Variants in GLB1L3 observed in about 807,000 individuals in gnomAD.
GLB1L3 encodes the protein galactosidase beta 1 like 3.
GLB1L3 carries 89 observed loss-of-function variants against 89.5 expected under a neutral mutation model. The ratio of observed to expected loss-of-function variants is 0.99; its 90% confidence interval spans 0.84 to 1.19. GLB1L3 has a LOEUF of 1.19. Among genes scored for constraint, GLB1L3 ranks in the 50% most tolerant of loss-of-function variants. GLB1L3 has a pLI of 0.00. For missense variants in GLB1L3, 812 were observed against 813.3 expected, an observed-to-expected ratio of 1.00 and a Z score of 0.02; for synonymous variants, 314 against 312.3, an observed-to-expected ratio of 1.01 and a Z score of -0.06.
chr11:134,289,362 C>T (rs1300613752), intron 7 of GLB1L3, among the ~76,000 whole-genome samples: 1 of 151,726 alleles, frequency 6.6e-6, no homozygotes, highest in Non-Finnish European at 1.5e-5. Flanking sequence ...GTTTTGCTGA[C>T]TCAGGGGTGG....
Position 134,308,122 on chromosome 11 carries a change from T to C in GLB1L3, c.961+914T>C, listed in dbSNP as rs199732359. Among the ~76,000 whole-genome samples the C allele has an allele frequency of 6.6e-4, 56 of 85,142 alleles. 1 individual carries two copies. The highest frequency in any genetic ancestry group is 0.014 in the Middle Eastern group (2 of 146). 55.9% of individuals were successfully genotyped at this position (85,142 alleles called of 152,430 possible). ...AATGCCAGCAACAATACCACCACCATCATCACATCACCACCACAATCACCA... is the reference window on the plus strand; with the variant it reads ...AATGCCAGCAACAATACCACCACCACCATCACATCACCACCACAATCACCA... On this transcript the variant is annotated intron_variant, in intron 10 of 19. Transcript: ENST00000431683.
In GLB1L3 at chr11:134,276,539, G is replaced by A; in HGVS notation, c.-202G>A. On this transcript the variant is annotated 5_prime_UTR_variant, in exon 1 of 20. Transcript: ENST00000431683. ...CGGCGGAGCTCGGCTGTCCCCGCGGGAGGGAGCCCGACGCGCATCCTTGGG... is the reference window on the plus strand; with the variant it reads ...CGGCGGAGCTCGGCTGTCCCCGCGGAAGGGAGCCCGACGCGCATCCTTGGG... 1 of 412,904 alleles carries A rather than the reference G, an allele frequency of 2.4e-6. No homozygotes were observed. Among genetic ancestry groups the A allele is most frequent in the East Asian group, 3.8e-5 (1 of 26,042 alleles). 25.6% of individuals were successfully genotyped at this position (412,904 alleles called of 1,614,324 possible). A position where few individuals can be genotyped will look rare whatever the true frequency, so the allele number is the denominator to read the frequency against.
chr11:134,276,887 A>C (rs1940394525), intron 1 of GLB1L3, 124 bp downstream of exon 1: 1 of 868,596 alleles, frequency 1.2e-6, no homozygotes, highest in Non-Finnish European at 1.5e-6. Context: ...GGGCCGCGCC[A>C]CCAAGCCCGC....
intron 3 of GLB1L3, among the ~76,000 whole-genome samples, chr11:134,280,902 C>A (rs921939644): frequency 2.0e-5 from 3 of 152,156 alleles, no homozygotes; most frequent in African/African-American, 7.2e-5. Context: ...TTACTCATAG[C>A]CCTATGGGGG....
chr11:134,291,061 G>A lies in GLB1L3; in HGVS notation c.730-1071G>A, dbSNP rs1437461650. Among the ~76,000 whole-genome samples, 7 of 152,022 alleles carry A rather than the reference G, an allele frequency of 4.6e-5. No homozygotes were observed. The South Asian group carries it at 1.2e-3, about 27-fold the overall frequency. On this transcript the variant is annotated intron_variant, in intron 7 of 19. Coordinates refer to ENST00000431683, the MANE Select transcript of GLB1L3 (RefSeq NM_001080407.3). ...CCCCCAATTTACTAAGTTGCAGAAGGTCAGACTCTGAATTCAAACCCGTGT... is the reference window on the plus strand; with the variant it reads ...CCCCCAATTTACTAAGTTGCAGAAGATCAGACTCTGAATTCAAACCCGTGT...
chr11:134,288,980 G>A, intron 7 of GLB1L3, 90 bp downstream of exon 7: 1 of 856,762 alleles, frequency 1.2e-6, no homozygotes, highest in Non-Finnish European at 1.8e-6. Flanking sequence ...GATCGGGCTG[G>A]ACACTGTGCA....
rs1199484161 is a variant in GLB1L3, at chr11:134,312,779, T to G, written c.1429-37T>G. ...GGCCTCTCTTCTCCCTTTCTTCGGG[T>G]GGGCCTAGCAGTCTGACGCCGGCTC... On this transcript the variant is annotated intron_variant, in intron 14 of 19. Transcript: ENST00000431683. The G allele has an allele frequency of 3.2e-6, 5 of 1,549,342 alleles. No homozygotes were observed. In the Admixed American group the frequency reaches 5.2e-5, roughly 16 times the overall value.
rs113901643 is a variant in GLB1L3 at position 134,281,597 on chromosome 11, C to T, written c.431+152C>T. Among the ~76,000 whole-genome samples, 1,094 of 136,750 alleles carry T rather than the reference C, an allele frequency of 8.0e-3. 58 individuals carry two copies. The highest frequency in any genetic ancestry group is 0.028 in the African/African-American group (1,015 of 36,110). The allele number at this position is 136,750 out of a possible 152,430, so 89.7% of individuals were successfully genotyped here. ...AGAGGCCCTGCACCCAGGACCCAGA[C>T]GCTCCCCAACCGTGACCTGTCACCC... On this transcript the variant is annotated intron_variant, in intron 4 of 19. Coordinates refer to ENST00000431683, the MANE Select transcript of GLB1L3 (RefSeq NM_001080407.3).
At chr11:134,309,928 G>GC in intron 11 of GLB1L3, 165 bp downstream of exon 11, 1 of 727,754 alleles carries the variant, frequency 1.4e-6, no homozygotes, top group Non-Finnish European at 2.2e-6. Context: ...TGTTCATAAT[G>GC]CCCCAACAGG....
intron 13 of GLB1L3, chr11:134,311,556 C>G (rs530777132): frequency 5.6e-6 from 1 of 177,858 alleles, no homozygotes; most frequent in African/African-American, 2.4e-5. Context: ...ACTGCTCCCC[C>G]TTTTCCATCA....
At chr11:134,277,528 T>G (rs989719280) in intron 2 of GLB1L3, 77 bp downstream of exon 2, 9 of 1,570,944 alleles carry the variant, frequency 5.7e-6, no homozygotes, top group Non-Finnish European at 7.0e-6. Flanking sequence ...ATCGCGAATA[T>G]GCACAGAACA....
At position 134,293,442 on chromosome 11, in the gene GLB1L3, C is replaced by T. The variant is rs528428613; in HGVS notation, c.876+233C>T. Among the ~76,000 whole-genome samples the T allele has an allele frequency of 1.9e-4, 29 of 152,046 alleles. No individual in the cohort carries two copies. The South Asian group carries it at 5.6e-3, about 29-fold the overall frequency. On this transcript the variant is annotated intron_variant, in intron 9 of 19. Coordinates refer to ENST00000431683, the MANE Select transcript of GLB1L3 (RefSeq NM_001080407.3). ...ACGTCATGGAGATGAGTGGGAAGGG[C>T]GAGGGGTGGTGGGAATCAGAGGGAG...
chr11:134,320,405 A>G (rs562344126), downstream of GLB1L3, among the ~76,000 whole-genome samples: 43 of 152,298 alleles, frequency 2.8e-4, no homozygotes, highest in Admixed American at 2.4e-3. Flanking sequence ...AGAAACTGCA[A>G]TGTAAAGGAG....
intron 9 of GLB1L3, among the ~76,000 whole-genome samples, chr11:134,296,535 C>G (rs1203743634): frequency 2.1e-5 from 3 of 143,340 alleles, no homozygotes; most frequent in Non-Finnish European, 4.6e-5. Context: ...AGTTCATGTC[C>G]TTTGTAGGGA....
rs192279829 is a variant in GLB1L3, at chr11:134,311,003, G to T, written c.1181-61G>T. ...AAGCCATGCTGGATAGGCATGGGGGGCTTAGAGAAGGCAGTGGTCATCTCA... is the reference window on the plus strand; with the variant it reads ...AAGCCATGCTGGATAGGCATGGGGGTCTTAGAGAAGGCAGTGGTCATCTCA... On this transcript the variant is annotated intron_variant, in intron 12 of 19. Coordinates refer to ENST00000431683, the MANE Select transcript of GLB1L3 (RefSeq NM_001080407.3). The T allele has an allele frequency of 1.7e-3, 1,931 of 1,169,818 alleles. 8 individuals carry two copies. The highest frequency in any genetic ancestry group is 1.7e-3 in the Non-Finnish European group (1,311 of 781,278). The allele number at this position is 1,169,818 out of a possible 1,614,324, so 72.5% of individuals were successfully genotyped here.
At chr11:134,277,229 TCTGGC>T (rs1254943834) in intron 1 of GLB1L3, 92 bp from the exon 2 acceptor site, 2 of 1,531,168 alleles carry the variant, frequency 1.3e-6, no homozygotes, top group South Asian at 1.1e-5. Context: ...CCTCCCTGGC[TCTGGC>T]CTCTAAAGCG....
intron 6 of GLB1L3, 120 bp from the exon 7 acceptor site, chr11:134,288,678 C>A: frequency 1.5e-6 from 1 of 655,986 alleles, no homozygotes; most frequent in Non-Finnish European, 2.6e-6. Context: ...GTGCAGACCA[C>A]AGGGGCCGTG....
intron 5 of GLB1L3, among the ~76,000 whole-genome samples, chr11:134,282,502 G>A (rs960822484): frequency 6.6e-6 from 1 of 152,206 alleles, no homozygotes; most frequent in Non-Finnish European, 1.5e-5. Context: ...GGGACCAGAA[G>A]CTTTAAGGCC....
intron 9 of GLB1L3, among the ~76,000 whole-genome samples, chr11:134,303,446 C>T (rs906415521): frequency 4.6e-5 from 7 of 151,942 alleles, no homozygotes; most frequent in East Asian, 3.9e-4. Flanking sequence ...TTTATGGATT[C>T]GACTATTTAA....
Sources: allele counts gnomAD v4.1 joint callset (sites outside exome capture counted in the v4.1 genomes callset), GRCh38; gene constraint gnomAD v4.1.1; transcripts MANE v1.5; gene names NCBI Gene and HGNC (gene_info 2026-07-23, HGNC 2026-07-21).